The following AKAP1 variants were observed in gnomAD, a reference collection of about 807,000 sequenced individuals.
AKAP1 encodes A-kinase anchoring protein 1, also known as A-kinase anchor protein 1, mitochondrial.
Under a neutral mutation model 79.8 loss-of-function variants are expected in AKAP1, and 32 were observed. The observed-to-expected ratio is 0.40, with a 90% CI of 0.30 to 0.54. The LOEUF is 0.54. AKAP1 is among the 20% of genes least tolerant of loss of function. AKAP1 has a pLI of 0.47. For synonymous variants in AKAP1, 416 were observed against 466.7 expected, an observed-to-expected ratio of 0.89 and a Z score of 1.40; for missense variants, 961 against 1,138.9, an observed-to-expected ratio of 0.84 and a Z score of 2.25.
At chr17:57,102,497 G>A (rs1402759968) in intron 1 of AKAP1, among the ~76,000 whole-genome samples, 7 of 145,090 alleles carry the variant, frequency 4.8e-5, no homozygotes, top group Non-Finnish European at 1.0e-4. Context: ...TTTGAGTCTC[G>A]CTCTGTCACC....
chr17:57,096,492 G>T (rs1390015583), intron 1 of AKAP1: 1 of 152,448 alleles, frequency 6.6e-6, no homozygotes, highest in South Asian at 2.1e-4. Flanking sequence ...AATGGAGGGT[G>T]GGGGACAGTC....
At chr17:57,111,476 T>C (rs182368356) in intron 3 of AKAP1, among the ~76,000 whole-genome samples, 1 of 152,174 alleles carries the variant, frequency 6.6e-6, no homozygotes, top group African/African-American at 2.4e-5. Flanking sequence ...TGGGCCACAT[T>C]GTTGGGATGA....
At position 57,120,469 on chromosome 17, in the gene AKAP1, A is replaced by G; in HGVS notation, c.*145A>G. ...CATACTGTAGTCCTATTGAGAAGAC[A>G]TTTCGTCTCTGAGAAAAAAGGATGG... On this transcript the variant is annotated 3_prime_UTR_variant, in exon 11 of 11. Transcript: ENST00000337714. 1.5e-6 allele frequency: 1 copy of G among 651,342 alleles called. No homozygotes were observed. Among genetic ancestry groups the G allele is most frequent in the South Asian group, 2.4e-5 (1 of 41,574 alleles). 40.3% of individuals were successfully genotyped at this position (651,342 alleles called of 1,614,324 possible).
At chr17:57,116,776 G>T in intron 7 of AKAP1, 84 bp from the exon 8 acceptor site, 1 of 1,301,224 alleles carries the variant, frequency 7.7e-7, no homozygotes, top group Non-Finnish European at 1.1e-6. Context: ...GGTTATGGGC[G>T]TCACTGTACA....
chr17:57,109,883 G>A (rs1915128371), intron 2 of AKAP1, 142 bp from the exon 3 acceptor site: 2 of 1,103,628 alleles, frequency 1.8e-6, no homozygotes, highest in Non-Finnish European at 2.6e-6. Context: ...CTTCTAGACT[G>A]TAAGTTGACA....
rs569408169 is a variant in AKAP1 at position 57,098,899 on chromosome 17, C to T, written c.-24-6542C>T. Among the ~76,000 whole-genome samples, 14 of 150,654 alleles carry T rather than the reference C, an allele frequency of 9.3e-5. No homozygotes were observed. In the South Asian group the frequency reaches 3.0e-3, roughly 32 times the overall value. On this transcript the variant is annotated intron_variant, in intron 1 of 10. Transcript: ENST00000337714. ...GCCTCAGCCTCCCAAGTAGCTGGGA[C>T]TACAGGTGCCCGCCACCAAGCCCCG...
At chr17:57,110,906 G>A (rs1041120920) in intron 3 of AKAP1, among the ~76,000 whole-genome samples, 3 of 152,050 alleles carry the variant, frequency 2.0e-5, no homozygotes, top group African/African-American at 7.2e-5. Context: ...TATCTCTGGG[G>A]CTCAGAAATA....
chr17:57,112,375 G>A lies in AKAP1; in HGVS notation c.1976-116G>A, dbSNP rs2144753212. The A allele has an allele frequency of 3.2e-6, 4 of 1,268,980 alleles. No homozygotes were observed. In the East Asian group the frequency reaches 9.6e-5, roughly 30 times the overall value. The allele number at this position is 1,268,980 out of a possible 1,614,324, so 78.6% of individuals were successfully genotyped here. Reference sequence around the variant, plus strand: ...TTAAGTGTTTTGTTACCTCAAAGATGCACTTGAACTCTATGCAAAGTCCAG... The same window carrying A: ...TTAAGTGTTTTGTTACCTCAAAGATACACTTGAACTCTATGCAAAGTCCAG... On this transcript the variant is annotated intron_variant, in intron 4 of 10. Transcript: ENST00000337714.
intron 9 of AKAP1, 125 bp from the exon 10 acceptor site, chr17:57,118,857 A>G: frequency 9.6e-7 from 1 of 1,044,124 alleles, no homozygotes; most frequent in Non-Finnish European, 1.5e-6. Context: ...CCGCCTCATG[A>G]TCCAATCACC....
chr17:57,103,540 T>C (rs1024952622), intron 1 of AKAP1, among the ~76,000 whole-genome samples: 1 of 152,250 alleles, frequency 6.6e-6, no homozygotes, highest in African/African-American at 2.4e-5. Flanking sequence ...AGGGAACTTT[T>C]AAAAGTACTG....
Position 57,106,914 on chromosome 17 carries a change from G to T in AKAP1, c.1450G>T (p.Asp484Tyr). 6.2e-7 allele frequency: 1 copy of T among 1,613,988 alleles called. No individual in the cohort carries two copies. Among genetic ancestry groups the T allele is most frequent in the South Asian group, 1.1e-5 (1 of 91,084 alleles). Residue 484 changes from aspartate to tyrosine, a missense_variant, in exon 2 of 11, where the codon GAT (aspartate) becomes TAT (tyrosine). By Grantham distance (160) the Asp-to-Tyr change is radical. Transcript: ENST00000337714. ...GGACCGGGCAGGCATCCTGGTGGAA[G>T]ATGCCACCTGTGTCACCTGCATGTC... is the stretch of plus-strand genomic sequence containing the variant. Reference protein sequence around the residue: ...LPDRAGILVEDATCVTCMSDS... With the variant: ...LPDRAGILVEYATCVTCMSDS...
chr17:57,106,970 T>C lies in AKAP1; in HGVS notation c.1506T>C (p.Ala502=). 6.2e-7 allele frequency: 1 copy of C among 1,614,114 alleles called. No individual in the cohort carries two copies. The highest frequency in any genetic ancestry group is 8.5e-7 in the Non-Finnish European group (1 of 1,179,966). ...GCAGCCAAAGTGTCCCTTTGGTGGC[T>C]TCTCCAGGACACTGCTCAGATTCTT... is the stretch of plus-strand genomic sequence containing the variant. ...SDSSQSVPLV[A]SPGHCSDSFS... is the part of the protein sequence containing the mutation. Residue 502 remains alanine (A), a synonymous_variant, in exon 2 of 11, where the codon GCT becomes GCC. Coordinates refer to ENST00000337714, the MANE Select transcript of AKAP1 (RefSeq NM_003488.4).
chr17:57,108,185 T>A (rs11655568), intron 2 of AKAP1: 34,049 of 322,502 alleles, frequency 0.11, 2,103 homozygotes, highest in African/African-American at 0.15. Flanking sequence ...CAGCTCCGGG[T>A]AGGTTGGGAA....
rs1259414846 is a variant in AKAP1 at position 57,107,130 on chromosome 17, G to A, written c.1666G>A (p.Gly556Arg). The change falls in exon 2 of 11, where the codon GGG becomes AGG. Residue 556 changes from glycine to arginine, a missense_variant. By Grantham distance (125) the Gly-to-Arg change is moderately radical (BLOSUM62 -2). This residue lies in a region of AKAP1 where 629 missense variants were observed against 781.1 expected (regional missense o/e 0.81). Coordinates refer to ENST00000337714, the MANE Select transcript of AKAP1 (RefSeq NM_003488.4). Reference protein sequence around the residue: ...GVLKGELSDLGAEDGWTMDAE... With the variant: ...GVLKGELSDLRAEDGWTMDAE... ...GCTGAAGGGGGAGTTGTCAGACTTGGGGGCTGAGGATGGATGGACCATGGA... is the reference window on the plus strand; with the variant it reads ...GCTGAAGGGGGAGTTGTCAGACTTGAGGGCTGAGGATGGATGGACCATGGA... 2.5e-6 allele frequency: 4 copies of A among 1,613,750 alleles called. No individual in the cohort carries two copies. Among genetic ancestry groups the A allele is most frequent in the Non-Finnish European group, 3.4e-6 (4 of 1,179,818 alleles).
At chr17:57,114,382 C>T (rs1915446793) in intron 5 of AKAP1, 77 bp from the exon 6 acceptor site, 1 of 1,538,112 alleles carries the variant, frequency 6.5e-7, no homozygotes, top group Non-Finnish European at 8.8e-7. Context: ...CAGAGACTTG[C>T]CCTTGGGTCT....
chr17:57,100,431 ACACACACACACACACG>A (rs1257674365), intron 1 of AKAP1, among the ~76,000 whole-genome samples: 4 of 148,550 alleles, frequency 2.7e-5, no homozygotes, highest in South Asian at 4.2e-4. Context: ...CTGCTAAAAC[ACACACACACACACACG>A]CACACACACA....
At chr17:57,111,741 G>T in intron 3 of AKAP1, 57 bp from the exon 4 acceptor site, 22 of 1,601,404 alleles carry the variant, frequency 1.4e-5, no homozygotes, top group Non-Finnish European at 1.9e-5. Flanking sequence ...AGGTCTTTGG[G>T]TGTCCAGGGA....
intron 6 of AKAP1, among the ~76,000 whole-genome samples, chr17:57,115,804 A>G (rs184863158): frequency 3.9e-5 from 6 of 152,210 alleles, no homozygotes; most frequent in Non-Finnish European, 5.9e-5. Context: ...GTTTATTCCT[A>G]TTCATCTGTG....
In AKAP1 at chr17:57,120,255, G is replaced by C; in HGVS notation, c.2643G>C (p.Val881=). ...AAGGGAACTTTCTTTTCTAGGTGGT[G>C]TTGATAAACCGGTCCCTGGTGGAGC... The part of the protein sequence containing the change: ...QLWSVVGDEV[V]LINRSLVERG... Residue 881 remains valine (V), a synonymous_variant, in exon 11 of 11, where the codon GTG becomes GTC. Coordinates refer to ENST00000337714, the MANE Select transcript of AKAP1 (RefSeq NM_003488.4). 6.2e-7 allele frequency: 1 copy of C among 1,613,182 alleles called. No individual in the cohort carries two copies. The highest frequency in any genetic ancestry group is 8.5e-7 in the Non-Finnish European group (1 of 1,179,644).
Sources: allele counts gnomAD v4.1 joint callset (sites outside exome capture counted in the v4.1 genomes callset), GRCh38; gene constraint gnomAD v4.1.1; regional missense constraint gnomAD v4.1.1; transcripts MANE v1.5; gene names NCBI Gene and HGNC (gene_info 2026-07-23, HGNC 2026-07-21).